Variants in BMP6 observed in about 807,000 individuals in gnomAD.
BMP6 encodes VG-1-R.
A neutral mutation model predicts 54.1 loss-of-function variants in BMP6; 17 were observed. That is an observed-to-expected ratio of 0.31 (90% CI 0.22 to 0.47). The LOEUF (loss-of-function observed/expected upper bound fraction) is 0.47. Ranked by LOEUF, BMP6 falls within the 20% of genes least tolerant of loss-of-function variation. BMP6 has a pLI of 1.00. For missense variants in BMP6, 720 were observed against 690.4 expected (o/e 1.04, Z -0.48); for synonymous variants, 328 against 291.2 (o/e 1.13, Z -1.28).
chr6:7,842,640 G>A (rs886869172), intron 1 of BMP6, among the ~76,000 whole-genome samples: 3 of 152,196 alleles, frequency 2.0e-5, no homozygotes, highest in African/African-American at 7.2e-5. Flanking sequence ...CATACAGCCA[G>A]CCACAGAGCC....
intron 1 of BMP6, among the ~76,000 whole-genome samples, chr6:7,773,891 CT>C (rs1278696165): frequency 6.6e-6 from 1 of 152,152 alleles, no homozygotes; most frequent in Non-Finnish European, 1.5e-5. Flanking sequence ...TTTTCCTAGG[CT>C]GTTTGGAGTT....
chr6:7,744,208 C>T (rs951952730), intron 1 of BMP6, among the ~76,000 whole-genome samples: 6 of 151,958 alleles, frequency 3.9e-5, no homozygotes, highest in African/African-American at 4.8e-5. Flanking sequence ...CAGACATCAC[C>T]GGACACGGTT....
At chr6:7,876,882 C>T (rs552614108) in intron 4 of BMP6, among the ~76,000 whole-genome samples, 1 of 150,916 alleles carries the variant, frequency 6.6e-6, no homozygotes, top group South Asian at 2.1e-4. Flanking sequence ...GGTATTCTTC[C>T]TTTTTTTTCC....
chr6:7,843,880 G>A (rs528895584), intron 1 of BMP6, among the ~76,000 whole-genome samples: 5 of 152,068 alleles, frequency 3.3e-5, no homozygotes, highest in African/African-American at 7.2e-5. Flanking sequence ...TTTTAAAAAC[G>A]TATTTTTTCT....
chr6:7,846,511 G>A (rs1183192251), intron 2 of BMP6, among the ~76,000 whole-genome samples: 1 of 152,150 alleles, frequency 6.6e-6, no homozygotes, highest in African/African-American at 2.4e-5. Context: ...GTCTGTAATG[G>A]GGAAACACAG....
At chr6:7,854,314 C>G (rs1759190318) in intron 2 of BMP6, among the ~76,000 whole-genome samples, 1 of 151,736 alleles carries the variant, frequency 6.6e-6, no homozygotes, top group South Asian at 2.1e-4. Flanking sequence ...ATAGGTACAT[C>G]TACTATATAT....
At chr6:7,822,837 AGTGGAAACCTT>A (rs918092693) in intron 1 of BMP6, among the ~76,000 whole-genome samples, 2 of 151,974 alleles carry the variant, frequency 1.3e-5, no homozygotes, top group East Asian at 3.9e-4. Context: ...CATAGCAACT[AGTGGAAACCTT>A]GTGGAAACCT....
At chr6:7,729,690 T>C (rs1278459218) in intron 1 of BMP6, among the ~76,000 whole-genome samples, 1 of 152,106 alleles carries the variant, frequency 6.6e-6, no homozygotes, top group African/African-American at 2.4e-5. Flanking sequence ...TCCCAATGTC[T>C]GAAGGAAATG....
rs1759711444 is a variant in BMP6 at position 7,880,935 on chromosome 6, G to GA, written c.*596dup. Reference sequence around the variant, plus strand: ...GTTCGTGCTGGAGTTTTGTTGGTGTGAAAATACACTTATTTCAGCCAAAAC... The same window carrying GA: ...GTTCGTGCTGGAGTTTTGTTGGTGTGAAAAATACACTTATTTCAGCCAAAAC... On this transcript the variant is annotated 3_prime_UTR_variant, in exon 7 of 7. Coordinates refer to ENST00000283147, the MANE Select transcript of BMP6 (RefSeq NM_001718.6). The GA allele has an allele frequency of 6.5e-6, 1 of 154,640 alleles. No individual in the cohort carries two copies. Among genetic ancestry groups the GA allele is most frequent in the Non-Finnish European group, 1.4e-5 (1 of 69,502 alleles). 9.6% of individuals were successfully genotyped at this position (154,640 alleles called of 1,614,324 possible).
At position 7,869,025 on chromosome 6, in the gene BMP6, G is replaced by A. The variant is rs75295846; in HGVS notation, c.1204+6527G>A. On this transcript the variant is annotated intron_variant, in intron 4 of 6. Transcript: ENST00000283147. ...CTGAAGTTGCAAAGCACAGCAGGCA[G>A]GGTCACTGGGACCCAGGCTGGCTCT... Among the ~76,000 whole-genome samples, 847 of 152,350 alleles carry A rather than the reference G, an allele frequency of 5.6e-3. 8 individuals carry two copies. Among genetic ancestry groups the A allele is most frequent in the African/African-American group, 0.019 (787 of 41,582 alleles).
At chr6:7,868,282 A>G (rs1759458886) in intron 4 of BMP6, among the ~76,000 whole-genome samples, 1 of 152,184 alleles carries the variant, frequency 6.6e-6, no homozygotes, top group Non-Finnish European at 1.5e-5. Context: ...CAAATTATAA[A>G]CAAAATCTAG....
intron 1 of BMP6, among the ~76,000 whole-genome samples, chr6:7,803,356 A>G (rs1195752693): frequency 6.6e-6 from 1 of 152,162 alleles, no homozygotes; most frequent in African/African-American, 2.4e-5. Context: ...GGGTTTGAGC[A>G]TAGCTGTGAT....
At chr6:7,837,094 T>C (rs1216893156) in intron 1 of BMP6, among the ~76,000 whole-genome samples, 2 of 152,252 alleles carry the variant, frequency 1.3e-5, no homozygotes, top group Non-Finnish European at 2.9e-5. Context: ...CTAGACTAAA[T>C]TAACCAGAGA....
intron 1 of BMP6, among the ~76,000 whole-genome samples, chr6:7,843,514 G>C (rs1759012189): frequency 6.6e-6 from 1 of 150,908 alleles, no homozygotes; most frequent in Non-Finnish European, 1.5e-5. Flanking sequence ...ACATGTGTAA[G>C]AGAAAGTGGG....
rs769518399 is a variant in BMP6, at chr6:7,845,140, TGGA to T, written c.667_669del (p.Glu223del). The T allele has an allele frequency of 6.2e-6, 10 of 1,611,852 alleles. No individual in the cohort carries two copies. The East Asian group carries it at 2.0e-4, about 32-fold the overall frequency. On this transcript the variant is annotated inframe_deletion and splice_region_variant, in exon 2 of 7. Transcript: ENST00000283147. Reference sequence around the variant, plus strand: ...CACTCTCTCTTGTTTAATCTTATAGTGGAGTACGACAAGGAGTTCTCCCCTCGT... The same window carrying T: ...CACTCTCTCTTGTTTAATCTTATAGTGTACGACAAGGAGTTCTCCCCTCGT...
chr6:7,871,914 C>CCCCG (rs1554126369), intron 4 of BMP6, among the ~76,000 whole-genome samples: 1 of 152,110 alleles, frequency 6.6e-6, no homozygotes, highest in Non-Finnish European at 1.5e-5. Context: ...GAGCTGAGAA[C>CCCCG]CCCGCACTTT....
intron 1 of BMP6, among the ~76,000 whole-genome samples, chr6:7,804,213 C>T (rs145890657): frequency 2.9e-4 from 44 of 152,174 alleles, no homozygotes; most frequent in Non-Finnish European, 4.7e-4. Flanking sequence ...TCTGATCTCT[C>T]AAGGATTATC....
intron 1 of BMP6, among the ~76,000 whole-genome samples, chr6:7,734,071 A>G (rs866430939): frequency 6.6e-6 from 1 of 152,160 alleles, no homozygotes; most frequent in Admixed American, 6.6e-5. Context: ...TTTGTTGTCT[A>G]TACTTTTTTT....
At chr6:7,732,851 A>C (rs890816667) in intron 1 of BMP6, among the ~76,000 whole-genome samples, 1 of 151,786 alleles carries the variant, frequency 6.6e-6, no homozygotes, top group Admixed American at 6.6e-5. Flanking sequence ...CCAATCCTTC[A>C]CTTTCTGCTT....
Sources: allele counts gnomAD v4.1 joint callset (sites outside exome capture counted in the v4.1 genomes callset), GRCh38; gene constraint gnomAD v4.1.1; transcripts MANE v1.5; gene names NCBI Gene and HGNC (gene_info 2026-07-23, HGNC 2026-07-21).